Variants in GPCPD1 observed in about 807,000 individuals in gnomAD.
GPCPD1 encodes glycerophosphocholine phosphodiesterase 1.
In GPCPD1, 29 loss-of-function variants were observed where a neutral mutation model predicts 89.2. That is an observed-to-expected ratio of 0.33 (90% confidence interval 0.24 to 0.44). GPCPD1 has a LOEUF of 0.44. Ranked by LOEUF, GPCPD1 falls within the 20% of genes least tolerant of loss-of-function variation. The pLI is 1.00. For missense variants in GPCPD1, 594 were observed against 808.9 expected (o/e 0.73, Z 3.22); for synonymous variants, 258 against 266.3 (o/e 0.97, Z 0.30).
At chr20:5,608,249 G>A (rs531444904) in intron 1 of GPCPD1, among the ~76,000 whole-genome samples, 16 of 151,922 alleles carry the variant, frequency 1.1e-4, no homozygotes, top group South Asian at 4.2e-4. Flanking sequence ...GTAACTTAGC[G>A]GTAAACAGCT....
intron 19 of GPCPD1, among the ~76,000 whole-genome samples, chr20:5,552,915 T>C (rs1985510212): frequency 6.6e-6 from 1 of 152,278 alleles, no homozygotes; most frequent in South Asian, 2.1e-4. Flanking sequence ...ATTTTATCAC[T>C]TACTCTTTGT....
chr20:5,577,653 C>T (rs532762177), intron 8 of GPCPD1, among the ~76,000 whole-genome samples: 73 of 151,970 alleles, frequency 4.8e-4, no homozygotes, highest in African/African-American at 1.7e-3. Flanking sequence ...TGGCTGGGGG[C>T]TACTGGTGGT....
intron 3 of GPCPD1, among the ~76,000 whole-genome samples, 165 bp from the exon 4 acceptor site, chr20:5,593,576 G>A (rs1979488234): frequency 6.9e-6 from 1 of 144,350 alleles, no homozygotes; most frequent in Non-Finnish European, 1.5e-5. Context: ...TGGGAACACA[G>A]GGGTATATAC....
chr20:5,590,576 TA>T (rs1428961156), intron 4 of GPCPD1, among the ~76,000 whole-genome samples: 3 of 137,596 alleles, frequency 2.2e-5, no homozygotes, highest in Non-Finnish European at 4.8e-5. Flanking sequence ...GTACAACCAG[TA>T]AAAGAAACAG....
intron 3 of GPCPD1, 122 bp downstream of exon 3, chr20:5,598,603 G>A: frequency 1.6e-6 from 1 of 611,552 alleles, no homozygotes; most frequent in Non-Finnish European, 2.9e-6. Context: ...ATAAAACTAT[G>A]CAACGTGATA....
chr20:5,589,490 T>C (rs1381766383), intron 4 of GPCPD1, among the ~76,000 whole-genome samples: 1 of 152,046 alleles, frequency 6.6e-6, no homozygotes, highest in Non-Finnish European at 1.5e-5. Flanking sequence ...TGCATGCCTG[T>C]AATCCCAACT....
rs1327693435 is a variant in GPCPD1 at position 5,557,955 on chromosome 20, T to C, written c.1819A>G (p.Ile607Val). ...KLKELGVNGL[I>V]YDRIYDWMPE... is the part of the protein sequence containing the mutation. ...ATGAAAAACAAATACCTATCATAAATTAGACCATTAACTCCAAGTTCCTTC... is the reference window on the plus strand; with the variant it reads ...ATGAAAAACAAATACCTATCATAAACTAGACCATTAACTCCAAGTTCCTTC... The change falls in exon 19 of 20, where the codon ATT becomes GTT. Residue 607 changes from isoleucine to valine, a missense_variant. By Grantham distance (29) the Ile-to-Val change is conservative. Transcript: ENST00000379019. The C allele has an allele frequency of 8.9e-6, 14 of 1,574,212 alleles. No individual in the cohort carries two copies. The highest frequency in any genetic ancestry group is 1.1e-5 in the Non-Finnish European group (13 of 1,149,348).
chr20:5,573,729 AC>A (rs1324054921), intron 11 of GPCPD1, among the ~76,000 whole-genome samples, 185 bp downstream of exon 11: 2 of 152,124 alleles, frequency 1.3e-5, no homozygotes, highest in African/African-American at 4.8e-5. Flanking sequence ...AGGTGACAGA[AC>A]AAGACCCTGT....
intron 4 of GPCPD1, among the ~76,000 whole-genome samples, chr20:5,588,469 C>T (rs1254230616): frequency 6.6e-6 from 1 of 152,136 alleles, no homozygotes; most frequent in Non-Finnish European, 1.5e-5. Flanking sequence ...CACACCACTG[C>T]ACTTCAGCGT....
intron 15 of GPCPD1, among the ~76,000 whole-genome samples, chr20:5,562,186 C>A (rs1986123290): frequency 6.6e-6 from 1 of 152,052 alleles, no homozygotes; most frequent in Admixed American, 6.6e-5. Context: ...TGGTTAGTAA[C>A]CTCCAAAGAA....
rs1978287230 is a variant in GPCPD1 at position 5,575,741 on chromosome 20, T to C, written c.868+75A>G. 3.9e-6 allele frequency: 4 copies of C among 1,012,724 alleles called. No homozygotes were observed. The East Asian group carries it at 9.6e-5, about 24-fold the overall frequency. 62.7% of individuals were successfully genotyped at this position (1,012,724 alleles called of 1,614,324 possible). ...AAATTATTAATTTCATCTTTATCAT[T>C]ATCAAATACTTAATTTGAAACTAAT... On this transcript the variant is annotated intron_variant, in intron 9 of 19. Transcript: ENST00000379019.
chr20:5,592,515 G>A (rs1354775747), intron 4 of GPCPD1, among the ~76,000 whole-genome samples: 7 of 152,140 alleles, frequency 4.6e-5, no homozygotes, highest in African/African-American at 9.7e-5. Context: ...CTAAGAGCAC[G>A]AGGTAACAGT....
chr20:5,557,224 T>C (rs1985825217), intron 19 of GPCPD1, among the ~76,000 whole-genome samples: 2 of 152,286 alleles, frequency 1.3e-5, no homozygotes, highest in South Asian at 4.1e-4. Flanking sequence ...AGTAGCAACA[T>C]GATCAGACAT....
intron 4 of GPCPD1, among the ~76,000 whole-genome samples, chr20:5,588,873 TAATATTA>T (rs1411016946): frequency 6.6e-6 from 1 of 151,822 alleles, no homozygotes; most frequent in African/African-American, 2.4e-5. Context: ...GCTATGAATA[TAATATTA>T]AATGTCAAAA....
At position 5,561,509 on chromosome 20, in the gene GPCPD1, C is replaced by G; in HGVS notation, c.1351G>C (p.Asp451His). 6.2e-7 allele frequency: 1 copy of G among 1,601,590 alleles called. No individual in the cohort carries two copies. Among genetic ancestry groups the G allele is most frequent in the Non-Finnish European group, 8.5e-7 (1 of 1,169,854 alleles). Reference sequence around the variant, plus strand: ...TTTATTTCAATGTTAAACCCTACATCTTCTGGCAAAGACTCTAAAACCTAC... The same window carrying G: ...TTTATTTCAATGTTAAACCCTACATGTTCTGGCAAAGACTCTAAAACCTAC... ...LKMVLESLPEDVGFNIEIKWI... is the reference protein window; with the variant it reads ...LKMVLESLPEHVGFNIEIKWI... Residue 451 changes from aspartate (D) to histidine (H), a missense_variant, in exon 16 of 20, where the codon GAT (aspartate) becomes CAT (histidine). Physicochemically the swap from Asp to His is moderately conservative, Grantham distance 81. Coordinates refer to ENST00000379019, the MANE Select transcript of GPCPD1 (RefSeq NM_019593.5).
At chr20:5,566,337 G>T (rs1027190263) in intron 14 of GPCPD1, among the ~76,000 whole-genome samples, 1 of 152,226 alleles carries the variant, frequency 6.6e-6, no homozygotes, top group Non-Finnish European at 1.5e-5. Context: ...GAGTAGAAAA[G>T]TGAAGTGAAA....
rs1985102265 is a variant in GPCPD1 at position 5,547,679 on chromosome 20, A to G, written c.2001T>C (p.Asp667=). The change falls in exon 20 of 20, where the codon GAT becomes GAC. Residue 667 remains aspartate, a synonymous_variant. Transcript: ENST00000379019. Reference sequence around the variant, plus strand: ...ATAAAAACTAAGCATTCTCCACGTTATCAATGCCGTTGGCATCCACATGGA... The same window carrying G: ...ATAAAAACTAAGCATTCTCCACGTTGTCAATGCCGTTGGCATCCACATGGA... ...SDIHVDANGI[D]NVENA 1.9e-6 allele frequency: 3 copies of G among 1,602,030 alleles called. No individual in the cohort carries two copies. The highest frequency in any genetic ancestry group is 1.1e-5 in the South Asian group (1 of 90,452).
In GPCPD1 at chr20:5,585,890, CAAG is replaced by C. The variant is rs936339976; in HGVS notation, c.307+301_307+303del. 1.6e-5 allele frequency: 4 copies of C among 248,404 alleles called. No homozygotes were observed. The Admixed American group carries it at 2.1e-4, about 13-fold the overall frequency. The allele number at this position is 248,404 out of a possible 1,614,324, so 15.4% of individuals were successfully genotyped here. On this transcript the variant is annotated intron_variant, in intron 5 of 19. Transcript: ENST00000379019. Reference sequence around the variant, plus strand: ...ACAAATAGAGCTATGGATGCTCAGTCAAGAAGAATGGTATCTTATAAACTTCCT... The same window carrying C: ...ACAAATAGAGCTATGGATGCTCAGTCAAGAATGGTATCTTATAAACTTCCT...
At chr20:5,567,632 T>A in intron 12 of GPCPD1, 72 bp from the exon 13 acceptor site, 3 of 1,341,380 alleles carry the variant, frequency 2.2e-6, no homozygotes, top group Non-Finnish European at 3.0e-6. Flanking sequence ...AAGCCCTAAA[T>A]TATTACTGAA....
Sources: gnomAD v4.1 joint callset for allele counts (sites outside exome capture counted in the v4.1 genomes callset) on GRCh38, gnomAD v4.1.1 for gene constraint, MANE v1.5 for transcripts, NCBI Gene and HGNC (gene_info 2026-07-23, HGNC 2026-07-21) for gene names.